The following CSRNP3 variants were observed in gnomAD, a reference collection of about 807,000 sequenced individuals.
The protein encoded by CSRNP3 is cysteine and serine rich nuclear protein 3, also known as cysteine/serine-rich nuclear protein 3.
A neutral mutation model predicts 48.0 loss-of-function variants in CSRNP3; 12 were observed. That is an observed-to-expected ratio of 0.25 (90% CI 0.16 to 0.41). The LOEUF (loss-of-function observed/expected upper bound fraction) is 0.41. Ranked by LOEUF, CSRNP3 falls within the 10% of genes least tolerant of loss-of-function variation. CSRNP3 has a pLI of 1.00. For synonymous variants in CSRNP3, 263 were observed against 269.7 expected (o/e 0.98, Z 0.24); for missense variants, 580 against 724.4 (o/e 0.80, Z 2.29).
chr2:165,537,631 T>A (rs957712259), intron 3 of CSRNP3, among the ~76,000 whole-genome samples: 2 of 151,602 alleles, frequency 1.3e-5, no homozygotes, highest in African/African-American at 4.8e-5. Flanking sequence ...GAGCTCACAA[T>A]TTTTTTAAAA....
chr2:165,624,526 A>G (rs1182362194), intron 4 of CSRNP3, among the ~76,000 whole-genome samples: 1 of 152,150 alleles, frequency 6.6e-6, no homozygotes, highest in East Asian at 1.9e-4. Flanking sequence ...GTACCCTGGT[A>G]CCTACACAGT....
At chr2:165,578,720 A>C (rs1284508144) in intron 3 of CSRNP3, among the ~76,000 whole-genome samples, 2 of 152,132 alleles carry the variant, frequency 1.3e-5, no homozygotes, top group Non-Finnish European at 2.9e-5. Flanking sequence ...GGAAAAAAAA[A>C]CAGAAAAATA....
intron 4 of CSRNP3, among the ~76,000 whole-genome samples, chr2:165,639,529 G>C (rs567190588): frequency 1.3e-5 from 2 of 152,284 alleles, no homozygotes; most frequent in South Asian, 4.1e-4. Context: ...ATATAAATCT[G>C]TTCATTTTAA....
At chr2:165,480,674 A>G (rs1243334603) in intron 1 of CSRNP3, among the ~76,000 whole-genome samples, 1 of 151,396 alleles carries the variant, frequency 6.6e-6, no homozygotes, top group African/African-American at 2.4e-5. Context: ...CAAATTGGCA[A>G]TGTGCATGGA....
At chr2:165,666,687 G>GAA in intron 5 of CSRNP3, among the ~76,000 whole-genome samples, 1 of 16,050 alleles carries the variant, frequency 6.2e-5, no homozygotes, top group African/African-American at 2.2e-4. Context: ...AAGAGAGAGT[G>GAA]GTGTTAAGAG....
intron 1 of CSRNP3, among the ~76,000 whole-genome samples, chr2:165,471,123 A>C (rs1250241541): frequency 2.6e-5 from 4 of 151,994 alleles, no homozygotes; most frequent in Admixed American, 1.3e-4. Context: ...GGATTATCTA[A>C]ATGAATTGAG....
At chr2:165,594,958 C>G (rs1031950677) in intron 3 of CSRNP3, 85 bp from the exon 4 acceptor site, 5 of 1,198,202 alleles carry the variant, frequency 4.2e-6, no homozygotes, top group Admixed American at 2.1e-5. Flanking sequence ...GTATAAAAAG[C>G]CACATAAAAA....
chr2:165,672,533 A>G (rs71426775), intron 5 of CSRNP3, among the ~76,000 whole-genome samples: 8,609 of 152,236 alleles, frequency 0.057, 298 homozygotes, highest in Non-Finnish European at 0.071. Flanking sequence ...CCATGATTCA[A>G]TTATTTCCTA....
intron 4 of CSRNP3, among the ~76,000 whole-genome samples, chr2:165,608,384 G>T (rs931220724): frequency 3.9e-5 from 6 of 151,984 alleles, no homozygotes; most frequent in African/African-American, 1.4e-4. Context: ...CCTTTCACTG[G>T]CATAAGTAAA....
intron 2 of CSRNP3, among the ~76,000 whole-genome samples, chr2:165,514,303 G>A (rs16850822): frequency 0.2 from 29,993 of 152,226 alleles, 3,204 homozygotes; most frequent in African/African-American, 0.25. Flanking sequence ...AGGCTATCCA[G>A]TTTGGTTGTG....
chr2:165,475,663 G>A (rs1683951740), intron 1 of CSRNP3, among the ~76,000 whole-genome samples: 1 of 152,136 alleles, frequency 6.6e-6, no homozygotes, highest in Non-Finnish European at 1.5e-5. Context: ...TGTCTTGTCA[G>A]ATAGTCATCT....
intron 2 of CSRNP3, among the ~76,000 whole-genome samples, chr2:165,513,724 C>T (rs538564014): frequency 1.2e-4 from 18 of 152,258 alleles, no homozygotes; most frequent in Non-Finnish European, 2.6e-4. Context: ...TGAAGATACC[C>T]TTTTAGAGAA....
intron 1 of CSRNP3, among the ~76,000 whole-genome samples, chr2:165,479,493 C>G (rs1180078023): frequency 6.6e-6 from 1 of 152,140 alleles, no homozygotes; most frequent in Non-Finnish European, 1.5e-5. Context: ...TAATGCCTAT[C>G]TTATATGGCT....
chr2:165,565,660 C>A (rs1451881531), intron 3 of CSRNP3, among the ~76,000 whole-genome samples: 1 of 151,798 alleles, frequency 6.6e-6, no homozygotes, highest in Non-Finnish European at 1.5e-5. Flanking sequence ...AAATGCATGC[C>A]TCATATCAAG....
chr2:165,676,673 T>G, intron 6 of CSRNP3, 65 bp downstream of exon 6: 1 of 1,440,712 alleles, frequency 6.9e-7, no homozygotes, highest in Non-Finnish European at 9.6e-7. Context: ...AAGGAGGCAG[T>G]CATGGTACCT....
intron 4 of CSRNP3, among the ~76,000 whole-genome samples, chr2:165,599,261 GAAAAAGAAAGAA>G (rs1685861312): frequency 9.7e-6 from 1 of 103,466 alleles, no homozygotes; most frequent in East Asian, 2.7e-4. Flanking sequence ...AAGAAAGAAA[GAAAAAGAAAGAA>G]AGAGAGAGAG....
chr2:165,575,572 A>C (rs1334276087), intron 3 of CSRNP3, among the ~76,000 whole-genome samples: 3 of 152,126 alleles, frequency 2.0e-5, no homozygotes, highest in Admixed American at 1.3e-4. Context: ...GCTAGTACAT[A>C]TTTAGTTAAA....
intron 4 of CSRNP3, among the ~76,000 whole-genome samples, chr2:165,634,660 C>T (rs1686598288): frequency 6.6e-6 from 1 of 152,126 alleles, no homozygotes; most frequent in African/African-American, 2.4e-5. Flanking sequence ...TGAATAGCAA[C>T]CTAGATTACA....
Position 165,512,921 on chromosome 2 carries a change from G to A in CSRNP3, c.-112-4952G>A, listed in dbSNP as rs1003598737. On this transcript the variant is annotated intron_variant, in intron 2 of 6. Coordinates refer to ENST00000651982, the MANE Select transcript of CSRNP3 (RefSeq NM_001172173.2). ...AGATTGAGACAATCCTGGCTAACAC[G>A]GTGAAACCCCATGTCTACTAAAAAT... 6.6e-5 allele frequency among the ~76,000 whole-genome samples: 10 copies of A among 152,166 alleles called. No individual in the cohort carries two copies. In the East Asian group the frequency reaches 7.7e-4, roughly 12 times the overall value.
Sources: gnomAD v4.1 joint callset for allele counts (sites outside exome capture counted in the v4.1 genomes callset) on GRCh38, gnomAD v4.1.1 for gene constraint, MANE v1.5 for transcripts, NCBI Gene and HGNC (gene_info 2026-07-23, HGNC 2026-07-21) for gene names.